Variants in DISP1 observed in about 807,000 individuals in gnomAD.
The protein encoded by DISP1 is protein dispatched homolog 1.
DISP1 carries 30 observed loss-of-function variants against 37.3 expected under a neutral mutation model. The ratio of observed to expected loss-of-function variants is 0.80; its 90% CI spans 0.60 to 1.09. The LOEUF (loss-of-function observed/expected upper bound fraction) is 1.09. DISP1 is among the 50% of genes least tolerant of loss of function. The probability of loss-of-function intolerance (pLI) is 0.00; values close to 1 mark genes in which losing one functional copy is unlikely to be tolerated. For synonymous variants in DISP1, 634 were observed against 690.2 expected (o/e 0.92, Z 1.28); for missense variants, 1,598 against 1,879.5 (o/e 0.85, Z 2.77).
chr1:222,820,315 A>G (rs1360423747), intron 1 of DISP1, among the ~76,000 whole-genome samples: 1 of 152,232 alleles, frequency 6.6e-6, no homozygotes, highest in African/African-American at 2.4e-5. Flanking sequence ...CTTGGGGCAC[A>G]TAGTGACGTG....
Position 222,893,014 on chromosome 1 carries a change from CTG to C in DISP1, c.-158-35414_-158-35413del, listed in dbSNP as rs1244838937. On this transcript the variant is annotated intron_variant, in intron 1 of 8. Coordinates refer to ENST00000675850, the MANE Select transcript of DISP1 (RefSeq NM_001377229.1). This position sits in a 1 kb window ranked among gnomAD's most constrained non-coding sequence, Gnocchi z 4.3. Reference sequence around the variant, plus strand: ...AAATATCAAATATTTGTGATATCATCTGTAAATTTTTAAATAATTTCTATTTG... The same window carrying C: ...AAATATCAAATATTTGTGATATCATCTAAATTTTTAAATAATTTCTATTTG... Among the ~76,000 whole-genome samples the C allele has an allele frequency of 6.6e-6, 1 of 152,174 alleles. No individual in the cohort carries two copies. Among genetic ancestry groups the C allele is most frequent in the African/African-American group, 2.4e-5 (1 of 41,436 alleles).
In DISP1 at chr1:222,836,131, A is replaced by G. The variant is rs1666964746; in HGVS notation, c.-159+21053A>G. Among the ~76,000 whole-genome samples the G allele has an allele frequency of 2.0e-5, 3 of 152,148 alleles. No homozygotes were observed. In the South Asian group the frequency reaches 6.2e-4, roughly 32 times the overall value. On this transcript the variant is annotated intron_variant, in intron 1 of 8. Transcript: ENST00000675850. ...GGCACACTTGGTACTAGAATCTTTA[A>G]GTGACCATGAAATGAAGGTAAACAT...
intron 1 of DISP1, among the ~76,000 whole-genome samples, chr1:222,921,452 C>CA (rs1672805722): frequency 1.3e-5 from 2 of 151,742 alleles, no homozygotes; most frequent in East Asian, 1.9e-4. Context: ...ACCTTCAAAA[C>CA]AAAAAAATAA....
At position 222,943,121 on chromosome 1, in the gene DISP1, T is replaced by C; in HGVS notation, c.298T>C (p.Cys100Arg). ...PLTSHSSHQE[C>R]HPEAGPAAPS... The stretch of plus-strand genomic sequence containing the variant: ...GACTAGCCATAGCAGTCACCAAGAG[T>C]GCCATCCCGAGGCTGGCCCTGCAGC... Residue 100 changes from cysteine to arginine, a missense_variant, in exon 3 of 9, where the codon TGC (cysteine) becomes CGC (arginine). Coordinates refer to ENST00000675850, the MANE Select transcript of DISP1 (RefSeq NM_001377229.1). 1.2e-6 allele frequency: 2 copies of C among 1,613,876 alleles called. No homozygotes were observed. Among genetic ancestry groups the C allele is most frequent in the Non-Finnish European group, 1.7e-6 (2 of 1,179,772 alleles).
rs78501387 is a variant in DISP1, at chr1:223,002,154, A to G, written c.988-231A>G. ...TTTCACACTTGCATGTCATCCCCAA[A>G]CAGTAGTTTTTAATTCAGAATAAAG... On this transcript the variant is annotated intron_variant, in intron 8 of 8. Transcript: ENST00000675850. 0.023 allele frequency among the ~76,000 whole-genome samples: 3,547 copies of G among 152,228 alleles called. 63 individuals are homozygous for G. The highest frequency in any genetic ancestry group is 0.054 in the Middle Eastern group (16 of 294).
At chr1:222,830,784 G>A (rs1036579342) in intron 1 of DISP1, among the ~76,000 whole-genome samples, 1 of 152,200 alleles carries the variant, frequency 6.6e-6, no homozygotes, top group South Asian at 2.1e-4. Flanking sequence ...AGCTTTTAGC[G>A]AGGCTGATAG....
chr1:222,880,608 G>C (rs1337673555), intron 1 of DISP1, among the ~76,000 whole-genome samples: 1 of 152,226 alleles, frequency 6.6e-6, no homozygotes, highest in Non-Finnish European at 1.5e-5. Context: ...TTCATGGAAA[G>C]CTGTTTATCA....
intron 1 of DISP1, among the ~76,000 whole-genome samples, chr1:222,895,909 C>A (rs1671225263): frequency 6.6e-6 from 1 of 152,040 alleles, no homozygotes; most frequent in Non-Finnish European, 1.5e-5. Context: ...AAAGATTTCT[C>A]AAGATTTTTT....
chr1:222,962,559 A>G (rs760977702), intron 3 of DISP1, among the ~76,000 whole-genome samples: 2 of 152,230 alleles, frequency 1.3e-5, no homozygotes, highest in African/African-American at 2.4e-5. Flanking sequence ...CCAAAACAGC[A>G]TGGTACTGGT....
chr1:222,844,809 G>C (rs1667811110), intron 1 of DISP1, among the ~76,000 whole-genome samples: 1 of 152,140 alleles, frequency 6.6e-6, no homozygotes, highest in South Asian at 2.1e-4. Flanking sequence ...ATTTCTGTGT[G>C]AGTCGTTTAA....
chr1:222,829,329 A>C (rs1377139401), intron 1 of DISP1, among the ~76,000 whole-genome samples: 2 of 152,214 alleles, frequency 1.3e-5, no homozygotes, highest in Non-Finnish European at 2.9e-5. Flanking sequence ...ATTACCATGA[A>C]AATGCCAAAA....
At chr1:222,887,717 C>A (rs1405440682) in intron 1 of DISP1, among the ~76,000 whole-genome samples, 28 of 112,592 alleles carry the variant, frequency 2.5e-4, no homozygotes, top group Admixed American at 2.2e-3. Context: ...CCAGGATGGT[C>A]TCGATCTCCT....
chr1:222,866,585 C>T (rs879706308), intron 1 of DISP1, among the ~76,000 whole-genome samples: 12 of 152,138 alleles, frequency 7.9e-5, no homozygotes, highest in Non-Finnish European at 1.2e-4. Flanking sequence ...CCTTGTGATC[C>T]GCCCCACTAG....
chr1:222,844,137 AC>A (rs1306878243), intron 1 of DISP1, among the ~76,000 whole-genome samples: 1 of 152,060 alleles, frequency 6.6e-6, no homozygotes. Flanking sequence ...GCTTTAATAG[AC>A]CTGATGTGTT....
Position 222,900,271 on chromosome 1 carries a change from T to G in DISP1, c.-158-28159T>G, listed in dbSNP as rs181674289. Among the ~76,000 whole-genome samples the G allele has an allele frequency of 7.9e-5, 12 of 152,304 alleles. No individual in the cohort carries two copies. In the East Asian group the frequency reaches 2.3e-3, roughly 29 times the overall value. ...GACTAGGGACAACGTTTTTAAGCCT[T>G]AGTTTCCTCATTGATAAAATGAGGA... is the stretch of plus-strand genomic sequence containing the variant. On this transcript the variant is annotated intron_variant, in intron 1 of 8. Transcript: ENST00000675850.
At chr1:222,851,101 T>TA (rs1464445120) in intron 1 of DISP1, among the ~76,000 whole-genome samples, 1 of 150,504 alleles carries the variant, frequency 6.6e-6, no homozygotes, top group African/African-American at 2.4e-5. Context: ...GTTTCCACTC[T>TA]TGTTGCCCAG....
In DISP1 at chr1:222,845,794, A is replaced by G. The variant is rs1667862390; in HGVS notation, c.-159+30716A>G. 2.0e-5 allele frequency among the ~76,000 whole-genome samples: 3 copies of G among 152,166 alleles called. No individual in the cohort carries two copies. The South Asian group carries it at 6.2e-4, about 32-fold the overall frequency. On this transcript the variant is annotated intron_variant, in intron 1 of 8. Transcript: ENST00000675850. The stretch of plus-strand genomic sequence containing the variant: ...TACTTTTTTCCCCTCTATGATATAT[A>G]ACTTTTGGGATAGAAATTTGTTTTG...
chr1:222,936,029 A>G (rs1430835861), intron 2 of DISP1, among the ~76,000 whole-genome samples: 2 of 152,234 alleles, frequency 1.3e-5, no homozygotes, highest in Non-Finnish European at 2.9e-5. Context: ...CCATGGTGAC[A>G]CTGGAATGCA....
At chr1:222,986,712 A>G (rs1179861162) in intron 4 of DISP1, among the ~76,000 whole-genome samples, 1 of 152,162 alleles carries the variant, frequency 6.6e-6, no homozygotes, top group Non-Finnish European at 1.5e-5. Context: ...TAGAGACTTA[A>G]CCTATTGAGA....
Sources: gnomAD v4.1 joint callset for allele counts (sites outside exome capture counted in the v4.1 genomes callset) on GRCh38, gnomAD v4.1.1 for gene constraint, Gnocchi (gnomAD v3.1) non-coding constraint, MANE v1.5 for transcripts, NCBI Gene and HGNC (gene_info 2026-07-23, HGNC 2026-07-21) for gene names.